RPS6KC1: variants seen among roughly 807,000 people sequenced by gnomAD.
RPS6KC1 encodes ribosomal protein S6 kinase C1, also known as inactive ribosomal protein S6 kinase delta-1.
Under a neutral mutation model 103.8 loss-of-function variants are expected in RPS6KC1, and 54 were observed. That is an observed-to-expected ratio of 0.52 (90% CI 0.42 to 0.65). The LOEUF (loss-of-function observed/expected upper bound fraction) is 0.65, where lower values mean the gene tolerates loss of function less well. Ranked by LOEUF, RPS6KC1 falls within the 30% of genes least tolerant of loss-of-function variation. The pLI, the probability that RPS6KC1 is intolerant of heterozygous loss-of-function variation, is 0.00. For synonymous variants in RPS6KC1, 439 were observed against 438.7 expected, an observed-to-expected ratio of 1.00 and a Z score of -0.01; for missense variants, 1,151 against 1,253.8, an observed-to-expected ratio of 0.92 and a Z score of 1.24.
chr1:213,199,015 CA>C (rs1040215265), intron 8 of RPS6KC1, among the ~76,000 whole-genome samples: 1 of 151,246 alleles, frequency 6.6e-6, no homozygotes, highest in Non-Finnish European at 1.5e-5. Context: ...ACCTCCCCAT[CA>C]AAAAAAGCCC....
chr1:213,568,202 C>T, the RPS6KC1 span, among the ~76,000 whole-genome samples: 1 of 152,160 alleles, frequency 6.6e-6, no homozygotes, highest in African/African-American at 2.4e-5. Context: ...CAACCAGCTG[C>T]CCTGGTTTGC....
chr1:213,218,682 A>G (rs1022932388), intron 8 of RPS6KC1, among the ~76,000 whole-genome samples: 28 of 152,320 alleles, frequency 1.8e-4, no homozygotes, highest in Non-Finnish European at 2.5e-4. Context: ...GATATAGACC[A>G]ATGGAACAGA....
At chr1:213,280,070 A>G in the RPS6KC1 span, among the ~76,000 whole-genome samples, 2 of 151,824 alleles carry the variant, frequency 1.3e-5, no homozygotes, top group Non-Finnish European at 2.9e-5. Flanking sequence ...GTTTGAAGAC[A>G]TTTTCAGTGT....
the RPS6KC1 span, among the ~76,000 whole-genome samples, chr1:213,763,020 G>A: frequency 5.3e-5 from 8 of 152,052 alleles, no homozygotes; most frequent in African/African-American, 1.4e-4. Flanking sequence ...CACCATGCCC[G>A]GCTAATTTTT....
At chr1:213,571,475 G>A in the RPS6KC1 span, among the ~76,000 whole-genome samples, 2 of 152,092 alleles carry the variant, frequency 1.3e-5, no homozygotes, top group African/African-American at 4.8e-5. Flanking sequence ...GAGTTTTCTG[G>A]GTCAAGCACA....
the RPS6KC1 span, among the ~76,000 whole-genome samples, chr1:213,405,914 C>T: frequency 1.3e-3 from 195 of 152,264 alleles, no homozygotes; most frequent in African/African-American, 3.2e-3. Context: ...GGGGCCATGG[C>T]GGTGAAGCCT....
the RPS6KC1 span, among the ~76,000 whole-genome samples, chr1:213,678,661 A>G: frequency 1.4e-4 from 21 of 152,302 alleles, no homozygotes; most frequent in Admixed American, 2.0e-4. Flanking sequence ...CAAGGGTGCT[A>G]CCTGGAAGTC....
At chr1:213,602,133 T>C in the RPS6KC1 span, among the ~76,000 whole-genome samples, 5 of 70,540 alleles carry the variant, frequency 7.1e-5, no homozygotes, top group Non-Finnish European at 1.1e-4. Context: ...TTTCTTTCTT[T>C]CTTTCTTTCT....
At chr1:213,449,320 C>T in the RPS6KC1 span, among the ~76,000 whole-genome samples, 1 of 152,188 alleles carries the variant, frequency 6.6e-6, no homozygotes, top group African/African-American at 2.4e-5. Flanking sequence ...CAGCGAAAGA[C>T]CACAGACTGG....
chr1:213,513,471 G>A, the RPS6KC1 span, among the ~76,000 whole-genome samples: 1 of 152,104 alleles, frequency 6.6e-6, no homozygotes, highest in African/African-American at 2.4e-5. Flanking sequence ...GAAAGAGATA[G>A]CACAGTTCCT....
chr1:213,316,176 G>A, the RPS6KC1 span, among the ~76,000 whole-genome samples: 1 of 152,212 alleles, frequency 6.6e-6, no homozygotes, highest in Non-Finnish European at 1.5e-5. Flanking sequence ...GGTTTTATAA[G>A]TGGCAGTTTC....
At chr1:213,849,213 G>C in the RPS6KC1 span, among the ~76,000 whole-genome samples, 2 of 152,132 alleles carry the variant, frequency 1.3e-5, no homozygotes, top group Admixed American at 1.3e-4. Context: ...GTCACCTCTG[G>C]GTGCTAAAAC....
At chr1:213,549,842 T>A in the RPS6KC1 span, among the ~76,000 whole-genome samples, 1 of 152,058 alleles carries the variant, frequency 6.6e-6, no homozygotes, top group Non-Finnish European at 1.5e-5. Flanking sequence ...TGGCTCTTTT[T>A]ATTGTTATCC....
At chr1:213,692,677 C>T in the RPS6KC1 span, among the ~76,000 whole-genome samples, 4 of 152,078 alleles carry the variant, frequency 2.6e-5, no homozygotes, top group East Asian at 1.9e-4. Flanking sequence ...CCTTACCAGT[C>T]GACTGTCCCT....
At chr1:213,151,466 C>T (rs540973891) in intron 6 of RPS6KC1, among the ~76,000 whole-genome samples, 3 of 135,752 alleles carry the variant, frequency 2.2e-5, no homozygotes, top group South Asian at 2.4e-4. Context: ...GCTGGCCGGG[C>T]GGGGGGCTGA....
chr1:213,439,931 T>G, the RPS6KC1 span, among the ~76,000 whole-genome samples: 4 of 152,054 alleles, frequency 2.6e-5, no homozygotes, highest in Admixed American at 2.6e-4. Context: ...CATTAAGCTA[T>G]TGGTTAATGG....
the RPS6KC1 span, among the ~76,000 whole-genome samples, chr1:213,785,792 T>G: frequency 3.3e-5 from 5 of 152,160 alleles, no homozygotes; most frequent in Non-Finnish European, 7.3e-5. Context: ...GTTTTCTCAT[T>G]GTAAAATGGG....
chr1:213,364,603 A>G, the RPS6KC1 span, among the ~76,000 whole-genome samples: 1 of 152,090 alleles, frequency 6.6e-6, no homozygotes, highest in African/African-American at 2.4e-5. Flanking sequence ...CTGGTCAAAG[A>G]GATGACCAGG....
At chr1:213,418,205 C>A in the RPS6KC1 span, among the ~76,000 whole-genome samples, 3 of 152,152 alleles carry the variant, frequency 2.0e-5, no homozygotes, top group Non-Finnish European at 4.4e-5. Flanking sequence ...ATAAAGACAC[C>A]TACTCACAGG....
Sources: allele counts gnomAD v4.1 joint callset (sites outside exome capture counted in the v4.1 genomes callset), GRCh38; gene constraint gnomAD v4.1.1; transcripts MANE v1.5; gene names NCBI Gene and HGNC (gene_info 2026-07-23, HGNC 2026-07-21).